Variants in ULK4 observed in about 807,000 individuals in gnomAD.
ULK4 encodes the protein inactive serine/threonine-protein kinase ULK4.
In ULK4, 133 loss-of-function variants were observed where a neutral mutation model predicts 160.6. The observed-to-expected ratio is 0.83, with a 90% CI of 0.72 to 0.96. The LOEUF is 0.96. Among genes scored for constraint, ULK4 ranks in the 40% least tolerant of loss-of-function variants. The pLI is 0.00. For synonymous variants in ULK4, 534 were observed against 539.8 expected (o/e 0.99, Z 0.15); for missense variants, 1,580 against 1,499.5 (o/e 1.05, Z -0.89).
At chr3:41,528,473 T>C (rs2086193033) in intron 32 of ULK4, among the ~76,000 whole-genome samples, 1 of 152,178 alleles carries the variant, frequency 6.6e-6, no homozygotes, top group African/African-American at 2.4e-5. Flanking sequence ...GAAGGGGATC[T>C]CAAAAGCCTC....
chr3:41,493,286 G>A (rs906472531), intron 32 of ULK4, among the ~76,000 whole-genome samples: 9 of 145,266 alleles, frequency 6.2e-5, no homozygotes, highest in Non-Finnish European at 1.2e-4. Flanking sequence ...ACTGAAAACG[G>A]CTCAACTGCA....
intron 21 of ULK4, among the ~76,000 whole-genome samples, chr3:41,783,673 T>C (rs1260640629): frequency 6.6e-6 from 1 of 152,210 alleles, no homozygotes; most frequent in East Asian, 1.9e-4. Flanking sequence ...TGTGCCCAGC[T>C]TGAATTCTCT....
intron 16 of ULK4, among the ~76,000 whole-genome samples, chr3:41,886,897 T>C (rs1697742824): frequency 1.3e-5 from 2 of 152,116 alleles, no homozygotes; most frequent in South Asian, 4.1e-4. Flanking sequence ...ATACACCAAA[T>C]AACAAAGCAT....
intron 35 of ULK4, among the ~76,000 whole-genome samples, chr3:41,291,095 T>C (rs1690712820): frequency 6.6e-6 from 1 of 152,044 alleles, no homozygotes; most frequent in South Asian, 2.1e-4. Flanking sequence ...TCCTTGCAAG[T>C]CCCGACTCCT....
intron 27 of ULK4, among the ~76,000 whole-genome samples, chr3:41,695,298 T>C (rs745367912): frequency 6.6e-6 from 1 of 152,202 alleles, no homozygotes; most frequent in Non-Finnish European, 1.5e-5. Context: ...TGCTTATATT[T>C]CCTAACTGTT....
intron 19 of ULK4, among the ~76,000 whole-genome samples, chr3:41,802,517 T>C (rs781026109): frequency 1.3e-5 from 2 of 152,142 alleles, no homozygotes; most frequent in Non-Finnish European, 2.9e-5. Flanking sequence ...CAGGCTGAAC[T>C]CGAACTCCTT....
intron 35 of ULK4, among the ~76,000 whole-genome samples, chr3:41,303,259 G>C (rs2079834828): frequency 1.3e-5 from 2 of 152,116 alleles, no homozygotes; most frequent in Non-Finnish European, 2.9e-5. Flanking sequence ...GCCTATACTG[G>C]GATGTTTTAC....
chr3:41,863,546 T>G (rs1249802371), intron 17 of ULK4, among the ~76,000 whole-genome samples: 1 of 152,030 alleles, frequency 6.6e-6, no homozygotes, highest in African/African-American at 2.4e-5. Context: ...ACTAGTTATG[T>G]GGTAAGTCTC....
In ULK4 at chr3:41,819,274, T is replaced by C. The variant is rs977952978; in HGVS notation, c.1848+149A>G. 8.1e-6 allele frequency: 5 copies of C among 613,712 alleles called. No individual in the cohort carries two copies. The African/African-American group carries it at 9.1e-5, about 11-fold the overall frequency. 38.0% of individuals were successfully genotyped at this position (613,712 alleles called of 1,614,324 possible). On this transcript the variant is annotated intron_variant, in intron 19 of 36. Transcript: ENST00000301831. ...TACACTTGCTCCACTGTAGGTCACT[T>C]GCTCATGGTAGGTTGTCGGGATTAT...
At chr3:41,479,493 T>C (rs183059017) in intron 32 of ULK4, among the ~76,000 whole-genome samples, 66 of 152,208 alleles carry the variant, frequency 4.3e-4, no homozygotes, top group African/African-American at 1.4e-3. Context: ...GGGAAAGTTA[T>C]TGTGGGGAAG....
chr3:41,876,297 T>C (rs1697299583), intron 17 of ULK4, among the ~76,000 whole-genome samples: 1 of 152,144 alleles, frequency 6.6e-6, no homozygotes, highest in Non-Finnish European at 1.5e-5. Flanking sequence ...CACCTATTAA[T>C]AGAGATAGGA....
intron 35 of ULK4, among the ~76,000 whole-genome samples, chr3:41,287,796 G>A (rs943899968): frequency 3.3e-5 from 5 of 152,198 alleles, no homozygotes; most frequent in Admixed American, 2.6e-4. Context: ...ACACAGGAAC[G>A]AGAGTCACCC....
intron 34 of ULK4, among the ~76,000 whole-genome samples, chr3:41,451,248 G>A (rs2083418585): frequency 6.6e-6 from 1 of 151,912 alleles, no homozygotes; most frequent in African/African-American, 2.4e-5. Flanking sequence ...GAACAAGAGG[G>A]GGCCTTTGGG....
chr3:41,593,986 A>C (rs1263156187), intron 31 of ULK4, among the ~76,000 whole-genome samples: 7 of 152,038 alleles, frequency 4.6e-5, no homozygotes, highest in Admixed American at 2.6e-4. Context: ...CGGAGGTTGC[A>C]GTGAGCTGAG....
chr3:41,505,626 T>A (rs546199960), intron 32 of ULK4, among the ~76,000 whole-genome samples: 202 of 152,330 alleles, frequency 1.3e-3, no homozygotes, highest in African/African-American at 4.4e-3. Flanking sequence ...TCAATTTTTT[T>A]ATATCAATCT....
At chr3:41,433,181 T>C (rs938701923) in intron 34 of ULK4, among the ~76,000 whole-genome samples, 1 of 152,188 alleles carries the variant, frequency 6.6e-6, no homozygotes, top group Non-Finnish European at 1.5e-5. Flanking sequence ...GAGCAAGGGT[T>C]ACACTAAAGC....
intron 30 of ULK4, among the ~76,000 whole-genome samples, chr3:41,644,225 C>T (rs966224426): frequency 6.6e-6 from 1 of 151,970 alleles, no homozygotes; most frequent in Admixed American, 6.6e-5. Context: ...ACTTCCAACA[C>T]TATGTTGAAT....
At position 41,682,614 on chromosome 3, in the gene ULK4, C is replaced by G. The variant is rs149235536; in HGVS notation, c.2782-810G>C. ...TCTCCATATGTGGCTGGTGGCCCAT[C>G]AGTATTAACATATTCTATCTCCACT... is the stretch of plus-strand genomic sequence containing the variant. On this transcript the variant is annotated intron_variant, in intron 27 of 36. Transcript: ENST00000301831. 7.9e-5 allele frequency among the ~76,000 whole-genome samples: 12 copies of G among 152,314 alleles called. No individual in the cohort carries two copies. The South Asian group carries it at 1.0e-3, about 13-fold the overall frequency.
At chr3:41,820,394 A>G (rs551461957) in intron 18 of ULK4, among the ~76,000 whole-genome samples, 1 of 152,336 alleles carries the variant, frequency 6.6e-6, no homozygotes, top group Admixed American at 6.5e-5. Context: ...TCACAAGAGC[A>G]AAAACATGGA....
Sources: allele counts gnomAD v4.1 joint callset (sites outside exome capture counted in the v4.1 genomes callset), GRCh38; gene constraint gnomAD v4.1.1; transcripts MANE v1.5; gene names NCBI Gene and HGNC (gene_info 2026-07-23, HGNC 2026-07-21).